Variants in GRIN3B observed in about 807,000 individuals in gnomAD.
GRIN3B encodes glutamate ionotropic receptor NMDA type subunit 3B.
In GRIN3B, 77 loss-of-function variants were observed where a neutral mutation model predicts 66.0. The ratio of observed to expected loss-of-function variants is 1.17; its 90% CI spans 0.97 to 1.41. The LOEUF is 1.41. GRIN3B is among the 40% of genes most tolerant of loss of function. GRIN3B has a pLI of 0.00. For missense variants in GRIN3B, 1,787 were observed against 1,564.5 expected (o/e 1.14, Z -2.40); for synonymous variants, 823 against 749.7 (o/e 1.10, Z -1.60).
rs556431488 is a variant in GRIN3B, at chr19:1,001,175, G to A, written c.426+312G>A. 2.0e-5 allele frequency among the ~76,000 whole-genome samples: 3 copies of A among 152,216 alleles called. No homozygotes were observed. The East Asian group carries it at 5.8e-4, about 29-fold the overall frequency. Reference sequence around the variant, plus strand: ...TGGTGATGGGGACCCCGCCACTGTGGCCTCTGCCCCTTCCTTGCCCAGGCC... The same window carrying A: ...TGGTGATGGGGACCCCGCCACTGTGACCTCTGCCCCTTCCTTGCCCAGGCC... On this transcript the variant is annotated intron_variant, in intron 1 of 8. Coordinates refer to ENST00000234389, the MANE Select transcript of GRIN3B (RefSeq NM_138690.3).
Position 1,007,799 on chromosome 19 carries a change from G to A in GRIN3B, c.2198+26G>A. The A allele has an allele frequency of 6.6e-7, 1 of 1,516,156 alleles. No homozygotes were observed. Among genetic ancestry groups the A allele is most frequent in the Non-Finnish European group, 8.8e-7 (1 of 1,131,620 alleles). The allele number at this position is 1,516,156 out of a possible 1,614,324, so 93.9% of individuals were successfully genotyped here. Reference sequence around the variant, plus strand: ...GTGAGCCCGGGCGCGGGGTGAGGCGGGGGCGGGGCGTGGGGTGGGCGGGGC... The same window carrying A: ...GTGAGCCCGGGCGCGGGGTGAGGCGAGGGCGGGGCGTGGGGTGGGCGGGGC... On this transcript the variant is annotated intron_variant, in intron 4 of 8. Coordinates refer to ENST00000234389, the MANE Select transcript of GRIN3B (RefSeq NM_138690.3). This position sits in a 1 kb window ranked among gnomAD's most constrained non-coding sequence, Gnocchi z 4.4.
At chr19:1,008,953 G>C in intron 8 of GRIN3B, 26 bp downstream of exon 8, 5 of 1,581,652 alleles carry the variant, frequency 3.2e-6, no homozygotes, top group Non-Finnish European at 4.3e-6. Flanking sequence ...GGCGGACCAC[G>C]ATGCAGGACC....
Position 1,009,623 on chromosome 19 carries a change from G to C in GRIN3B, c.*21G>C. ...AATGAGGCGGCAGCCGGGCCGTTTGGGCTCAAGACACACACACAGCGCAGT... is the reference window on the plus strand; with the variant it reads ...AATGAGGCGGCAGCCGGGCCGTTTGCGCTCAAGACACACACACAGCGCAGT... On this transcript the variant is annotated 3_prime_UTR_variant, in exon 9 of 9. Coordinates refer to ENST00000234389, the MANE Select transcript of GRIN3B (RefSeq NM_138690.3). The C allele has an allele frequency of 7.1e-7, 1 of 1,406,980 alleles. No homozygotes were observed. Among genetic ancestry groups the C allele is most frequent in the Non-Finnish European group, 9.2e-7 (1 of 1,085,638 alleles). 87.2% of individuals were successfully genotyped at this position (1,406,980 alleles called of 1,614,324 possible). A position where few individuals can be genotyped will look rare whatever the true frequency, so the allele number is the denominator to read the frequency against.
Position 1,009,452 on chromosome 19 carries a change from T to A in GRIN3B, c.2982T>A (p.Arg994=). 1 of 1,474,362 alleles carries A rather than the reference T, an allele frequency of 6.8e-7. No individual in the cohort carries two copies. Among genetic ancestry groups the A allele is most frequent in the Non-Finnish European group, 8.9e-7 (1 of 1,119,084 alleles). The allele number at this position is 1,474,362 out of a possible 1,614,324, so 91.3% of individuals were successfully genotyped here. ...QELERRIEVA[R]ERLRQALVRR... is the part of the protein sequence containing the mutation. ...TGGAGCGCCGCATCGAAGTCGCGCG[T>A]GAGCGGCTCCGCCAGGCCCTGGTGC... is the stretch of plus-strand genomic sequence containing the variant. Residue 994 remains arginine, a synonymous_variant, in exon 9 of 9, where the codon CGT becomes CGA. Transcript: ENST00000234389.
rs1297838787 is a variant in GRIN3B, at chr19:1,000,695, G to A, written c.258G>A (p.Ser86=). Residue 86 remains serine (S), a synonymous_variant, in exon 1 of 9, where the codon TCG becomes TCA. Transcript: ENST00000234389. ...CGCCCCCCGCCCGCGACCCCGCCTC[G>A]CTGACCCGCGGCCTGTGCCAGGCGC... The part of the protein sequence containing the change: ...VAAPPARDPA[S]LTRGLCQALV... 5.8e-6 allele frequency: 8 copies of A among 1,378,606 alleles called. No individual in the cohort carries two copies. Among genetic ancestry groups the A allele is most frequent in the Middle Eastern group, 2.7e-4 (1 of 3,746 alleles). The allele number at this position is 1,378,606 out of a possible 1,614,324, so 85.4% of individuals were successfully genotyped here.
intron 1 of GRIN3B, among the ~76,000 whole-genome samples, chr19:1,001,748 G>A (rs900267789): frequency 6.6e-6 from 1 of 152,024 alleles, no homozygotes; most frequent in Non-Finnish European, 1.5e-5. Flanking sequence ...TCTTAGCCCA[G>A]CTCTCCAGGT....
chr19:1,009,432 C>G lies in GRIN3B; in HGVS notation c.2962C>G (p.Arg988Gly), dbSNP rs1388402484. The G allele has an allele frequency of 2.7e-6, 4 of 1,456,110 alleles. No homozygotes were observed. The African/African-American group carries it at 4.4e-5, about 16-fold the overall frequency. The allele number at this position is 1,456,110 out of a possible 1,614,324, so 90.2% of individuals were successfully genotyped here. The part of the protein sequence containing the change: ...PQPGELQELE[R>G]RIEVARERLR... ...GCCCGGGGAGCTGCAGGAGCTGGAG[C>G]GCCGCATCGAAGTCGCGCGTGAGCG... The change falls in exon 9 of 9, where the codon CGC (arginine) becomes GGC (glycine). Residue 988 changes from arginine to glycine, a missense_variant. Physicochemically the swap from Arg to Gly is moderately radical, Grantham distance 125 (BLOSUM62 -2). Transcript: ENST00000234389.
intron 1 of GRIN3B, 78 bp from the exon 2 acceptor site, chr19:1,003,052 G>A: frequency 4.8e-6 from 5 of 1,051,552 alleles, no homozygotes; most frequent in South Asian, 1.9e-5. Context: ...TCTACTTGCG[G>A]ATCACCCGCT....
rs1009412900 is a variant in GRIN3B at position 1,009,331 on chromosome 19, C to T, written c.2861C>T (p.Ala954Val). 3 of 1,398,962 alleles carry T rather than the reference C, an allele frequency of 2.1e-6. No homozygotes were observed. In the African/African-American group the frequency reaches 4.6e-5, roughly 21 times the overall value. 86.7% of individuals were successfully genotyped at this position (1,398,962 alleles called of 1,614,324 possible). The part of the protein sequence containing the change: ...VAPEADAEAE[A>V]APREGPVWLC... ...CCCGAAGCGGACGCGGAGGCGGAGG[C>T]TGCGCCGCGAGAGGGCCCCGTCTGG... Residue 954 changes from alanine (A) to valine (V), a missense_variant, in exon 9 of 9, where the codon GCT becomes GTT. Transcript: ENST00000234389.
At position 1,003,742 on chromosome 19, in the gene GRIN3B, C is replaced by T; in HGVS notation, c.1019+20C>T. 1 of 1,384,228 alleles carries T rather than the reference C, an allele frequency of 7.2e-7. No individual in the cohort carries two copies. Among genetic ancestry groups the T allele is most frequent in the Non-Finnish European group, 9.3e-7 (1 of 1,070,656 alleles). The allele number at this position is 1,384,228 out of a possible 1,614,324, so 85.7% of individuals were successfully genotyped here. A position where few individuals can be genotyped will look rare whatever the true frequency, so the allele number is the denominator to read the frequency against. On this transcript the variant is annotated intron_variant, in intron 2 of 8. Transcript: ENST00000234389. ...GGCACGGTGAGTGGGGACCCTGCTTCCCTTAGGAGGGTGTCCAGGCCACTG... is the reference window on the plus strand; with the variant it reads ...GGCACGGTGAGTGGGGACCCTGCTTTCCTTAGGAGGGTGTCCAGGCCACTG...
intron 3 of GRIN3B, among the ~76,000 whole-genome samples, chr19:1,006,975 G>C (rs992377475): frequency 5.9e-5 from 9 of 152,316 alleles, no homozygotes; most frequent in African/African-American, 2.2e-4. Flanking sequence ...TTAGGGGTCT[G>C]CACCAGGTTG....
chr19:1,000,949 G>C (rs1052464554), intron 1 of GRIN3B, 86 bp downstream of exon 1: 2 of 1,279,170 alleles, frequency 1.6e-6, no homozygotes, highest in East Asian at 6.3e-5. Context: ...AGTCAGGATG[G>C]GGGTGCCGGG....
At chr19:1,006,417 C>G (rs1238868070) in intron 3 of GRIN3B, among the ~76,000 whole-genome samples, 1 of 151,496 alleles carries the variant, frequency 6.6e-6, no homozygotes, top group Non-Finnish European at 1.5e-5. Flanking sequence ...GTGCTGGGAT[C>G]ACAGGTGTGA....
In GRIN3B at chr19:1,005,580, G is replaced by A. The variant is rs2038740330; in HGVS notation, c.2052+27G>A. On this transcript the variant is annotated intron_variant, in intron 3 of 8. Transcript: ENST00000234389. The surrounding 1 kb of genome is among the most constrained non-coding windows in gnomAD (Gnocchi z 5.2). ...TGGGCGGCCTCGGGGGGCTGCGGGT[G>A]GCCTTGGGGGGCTAGCGGTGGCCCC... The A allele has an allele frequency of 1.3e-6, 2 of 1,516,558 alleles. No individual in the cohort carries two copies. The highest frequency in any genetic ancestry group is 1.4e-5 in the African/African-American group (1 of 72,758). The allele number at this position is 1,516,558 out of a possible 1,614,324, so 93.9% of individuals were successfully genotyped here. A position where few individuals can be genotyped will look rare whatever the true frequency, so the allele number is the denominator to read the frequency against.
rs1341496226 is a variant in GRIN3B at position 1,003,300 on chromosome 19, A to G, written c.597A>G (p.Pro199=). 1 of 1,572,150 alleles carries G rather than the reference A, an allele frequency of 6.4e-7. No individual in the cohort carries two copies. The highest frequency in any genetic ancestry group is 1.4e-5 in the African/African-American group (1 of 72,738). ...GGACAAGCCGGGCTGGCCGGCCCCCACAGCTGGTCCTGGACCTAAGCCGGC... is the reference window on the plus strand; with the variant it reads ...GGACAAGCCGGGCTGGCCGGCCCCCGCAGCTGGTCCTGGACCTAAGCCGGC... The part of the protein sequence containing the change: ...ALWTSRAGRP[P]QLVLDLSRRD... Residue 199 remains proline, a synonymous_variant, in exon 2 of 9, where the codon CCA becomes CCG. Transcript: ENST00000234389.
chr19:1,000,695 G>C lies in GRIN3B; in HGVS notation c.258G>C (p.Ser86=), dbSNP rs1297838787. 7.3e-7 allele frequency: 1 copy of C among 1,378,610 alleles called. No individual in the cohort carries two copies. The highest frequency in any genetic ancestry group is 9.4e-7 in the Non-Finnish European group (1 of 1,063,908). 85.4% of individuals were successfully genotyped at this position (1,378,610 alleles called of 1,614,324 possible). A position where few individuals can be genotyped will look rare whatever the true frequency, so the allele number is the denominator to read the frequency against. The change falls in exon 1 of 9, where the codon TCG becomes TCC. Residue 86 remains serine, a synonymous_variant. Coordinates refer to ENST00000234389, the MANE Select transcript of GRIN3B (RefSeq NM_138690.3). The part of the protein sequence containing the change: ...VAAPPARDPA[S]LTRGLCQALV... ...CGCCCCCCGCCCGCGACCCCGCCTC[G>C]CTGACCCGCGGCCTGTGCCAGGCGC...
chr19:1,007,760 G>C lies in GRIN3B; in HGVS notation c.2185G>C (p.Val729Leu). The C allele has an allele frequency of 6.6e-7, 1 of 1,515,768 alleles. No individual in the cohort carries two copies. 93.9% of individuals were successfully genotyped at this position (1,515,768 alleles called of 1,614,324 possible). The change falls in exon 4 of 9, where the codon GTC becomes CTC. Residue 729 changes from valine to leucine, a missense_variant. Coordinates refer to ENST00000234389, the MANE Select transcript of GRIN3B (RefSeq NM_138690.3). This position sits in a 1 kb window ranked among gnomAD's most constrained non-coding sequence, Gnocchi z 4.4. Reference protein sequence around the residue: ...RHSAPTTPRGVAMLTSDPPKL... With the variant: ...RHSAPTTPRGLAMLTSDPPKL... ...CAGCGCGCCCACCACGCCCCGCGGC[G>C]TCGCCATGCTCACGTGAGCCCGGGC...
At position 1,009,732 on chromosome 19, in the gene GRIN3B, C is replaced by G; in HGVS notation, c.*130C>G. On this transcript the variant is annotated 3_prime_UTR_variant, in exon 9 of 9. Transcript: ENST00000234389. ...TAAATAGAATGGAATGAGCGCTCCTCCGCATTCCTCCCCGAGTGACTGGTT... is the reference window on the plus strand; with the variant it reads ...TAAATAGAATGGAATGAGCGCTCCTGCGCATTCCTCCCCGAGTGACTGGTT... The G allele has an allele frequency of 3.7e-6, 3 of 821,156 alleles. No homozygotes were observed. In the South Asian group the frequency reaches 8.3e-5, roughly 23 times the overall value. 50.9% of individuals were successfully genotyped at this position (821,156 alleles called of 1,614,324 possible).
chr19:1,004,408 C>A (rs376628466), intron 2 of GRIN3B, 113 bp from the exon 3 acceptor site: 1 of 927,834 alleles, frequency 1.1e-6, no homozygotes, highest in Non-Finnish European at 1.6e-6. Context: ...CCACGTTTGT[C>A]CTCATGATAC....
Sources: allele counts gnomAD v4.1 joint callset (sites outside exome capture counted in the v4.1 genomes callset), GRCh38; gene constraint gnomAD v4.1.1; non-coding constraint Gnocchi (gnomAD v3.1); transcripts MANE v1.5; gene names NCBI Gene and HGNC (gene_info 2026-07-23, HGNC 2026-07-21).